MLLT3: variants seen among roughly 807,000 people sequenced by gnomAD.
MLLT3 encodes the protein MLLT3 super elongation complex subunit, also known as protein AF-9.
A neutral mutation model predicts 53.2 loss-of-function variants in MLLT3; 4 were observed. The ratio of observed to expected loss-of-function variants is 0.08; its 90% CI spans 0.04 to 0.17. MLLT3 has a LOEUF of 0.17. Among genes scored for constraint, MLLT3 ranks in the 10% least tolerant of loss-of-function variants. MLLT3 has a pLI of 1.00. For synonymous variants in MLLT3, 283 were observed against 230.6 expected (o/e 1.23, Z -2.06); for missense variants, 569 against 684.0 (o/e 0.83, Z 1.87).
intron 9 of MLLT3, among the ~76,000 whole-genome samples, chr9:20,354,298 C>A (rs1266956513): frequency 6.6e-6 from 1 of 152,178 alleles, no homozygotes; most frequent in Non-Finnish European, 1.5e-5. Flanking sequence ...TGCATGGGTG[C>A]CCCCAGCACC....
rs1011360468 is a variant in MLLT3 at position 20,346,332 on chromosome 9, T to C, written c.*111A>G. ...TTTTATTTTTTCCCTTTTGGTTGCA[T>C]CATTTTGAGTGTTTTCATATAAACA... On this transcript the variant is annotated 3_prime_UTR_variant, in exon 11 of 11. Coordinates refer to ENST00000380338, the MANE Select transcript of MLLT3 (RefSeq NM_004529.4). 1 of 1,104,198 alleles carries C rather than the reference T, an allele frequency of 9.1e-7. No individual in the cohort carries two copies. The highest frequency in any genetic ancestry group is 1.6e-5 in the African/African-American group (1 of 60,692). 68.4% of individuals were successfully genotyped at this position (1,104,198 alleles called of 1,614,324 possible).
chr9:20,430,420 C>G (rs1032247184), intron 4 of MLLT3, among the ~76,000 whole-genome samples: 1 of 152,064 alleles, frequency 6.6e-6, no homozygotes, highest in African/African-American at 2.4e-5. Context: ...CTACAGAGAT[C>G]AACAAACTGA....
chr9:20,574,624 T>A (rs1024584681), intron 2 of MLLT3, among the ~76,000 whole-genome samples: 2 of 152,236 alleles, frequency 1.3e-5, no homozygotes, highest in Non-Finnish European at 2.9e-5. Flanking sequence ...CTGGGTCTTC[T>A]GCAAGTTGTA....
intron 2 of MLLT3, chr9:20,502,359 T>G (rs1424568486): frequency 6.5e-6 from 1 of 153,544 alleles, no homozygotes; most frequent in Non-Finnish European, 1.5e-5. Flanking sequence ...GCCTGTGATG[T>G]TCCTTACATA....
At chr9:20,622,118 C>T in intron 1 of MLLT3, 127 bp downstream of exon 1, 1 of 1,132,140 alleles carries the variant, frequency 8.8e-7, no homozygotes, top group Non-Finnish European at 1.2e-6. Context: ...GCGGCAGCTC[C>T]CTGCAAGCCG....
chr9:20,457,703 A>G (rs2118863700), intron 2 of MLLT3, among the ~76,000 whole-genome samples: 1 of 152,368 alleles, frequency 6.6e-6, no homozygotes, highest in Middle Eastern at 3.4e-3. Flanking sequence ...TAATCACATC[A>G]TAAGAATACA....
At chr9:20,537,490 G>A (rs1307549646) in intron 2 of MLLT3, among the ~76,000 whole-genome samples, 1 of 152,110 alleles carries the variant, frequency 6.6e-6, no homozygotes, top group Non-Finnish European at 1.5e-5. Context: ...AAGCTCCAGT[G>A]CATGGTTTTC....
intron 2 of MLLT3, among the ~76,000 whole-genome samples, chr9:20,513,791 C>T (rs1444385807): frequency 2.6e-5 from 4 of 152,128 alleles, no homozygotes; most frequent in South Asian, 4.1e-4. Context: ...ATGACTGAGC[C>T]CTGCTTCTGT....
At chr9:20,511,636 T>A (rs1817752001) in intron 2 of MLLT3, among the ~76,000 whole-genome samples, 1 of 152,212 alleles carries the variant, frequency 6.6e-6, no homozygotes, top group Admixed American at 6.5e-5. Context: ...ACAGAGCCTA[T>A]GAATAGCCAC....
At chr9:20,564,149 G>GTGCA (rs1819288946) in intron 2 of MLLT3, among the ~76,000 whole-genome samples, 1 of 152,094 alleles carries the variant, frequency 6.6e-6, no homozygotes, top group Non-Finnish European at 1.5e-5. Flanking sequence ...TCATCCCTGA[G>GTGCA]TGCATACCCT....
At position 20,475,631 on chromosome 9, in the gene MLLT3, T is replaced by G. The variant is rs146908804; in HGVS notation, c.194-18845A>C. Among the ~76,000 whole-genome samples the G allele has an allele frequency of 3.4e-4, 52 of 152,204 alleles. 1 individual carries two copies. The East Asian group carries it at 9.3e-3, about 27-fold the overall frequency. ...TAAATATGGTATTTGGTGCATTTGT[T>G]TAAAACAAAACAAAACCTGGTTCAG... On this transcript the variant is annotated intron_variant, in intron 2 of 10. Coordinates refer to ENST00000380338, the MANE Select transcript of MLLT3 (RefSeq NM_004529.4).
intron 2 of MLLT3, among the ~76,000 whole-genome samples, chr9:20,565,927 T>TAC (rs1269927335): frequency 6.1e-5 from 1 of 16,266 alleles, no homozygotes; most frequent in South Asian, 1.9e-3. Flanking sequence ...TATATTTATA[T>TAC]ATATATATAT....
At chr9:20,462,382 C>G (rs1202587665) in intron 2 of MLLT3, among the ~76,000 whole-genome samples, 1 of 152,106 alleles carries the variant, frequency 6.6e-6, no homozygotes, top group Non-Finnish European at 1.5e-5. Context: ...TTGAGTTGTT[C>G]TCACCTTTTG....
At chr9:20,622,173 T>C in intron 1 of MLLT3, 72 bp downstream of exon 1, 1 of 1,480,960 alleles carries the variant, frequency 6.8e-7, no homozygotes, top group South Asian at 1.2e-5. Context: ...TGGCGCTGTC[T>C]GGGCTGCGGC....
intron 2 of MLLT3, among the ~76,000 whole-genome samples, chr9:20,556,435 G>A (rs547455036): frequency 2.6e-5 from 4 of 152,102 alleles, no homozygotes; most frequent in Admixed American, 6.6e-5. Flanking sequence ...CTGTAATCTC[G>A]GCACTTTGAG....
At chr9:20,565,973 TA>T (rs1819359202) in intron 2 of MLLT3, among the ~76,000 whole-genome samples, 3 of 117,338 alleles carry the variant, frequency 2.6e-5, no homozygotes, top group African/African-American at 1.1e-4. Flanking sequence ...TATATTTATA[TA>T]TATATATATT....
intron 2 of MLLT3, among the ~76,000 whole-genome samples, chr9:20,564,842 C>T (rs1336162613): frequency 2.0e-5 from 3 of 151,064 alleles, no homozygotes; most frequent in Admixed American, 6.6e-5. Context: ...AATGTGAAAA[C>T]CTCCACTTCC....
At chr9:20,397,707 G>A (rs976314690) in intron 5 of MLLT3, among the ~76,000 whole-genome samples, 1 of 152,146 alleles carries the variant, frequency 6.6e-6, no homozygotes, top group South Asian at 2.1e-4. Context: ...ACAGAAGGTT[G>A]TGATAACATC....
rs1317840194 is a variant in MLLT3 at position 20,620,172 on chromosome 9, C to A, written c.193+482G>T. On this transcript the variant is annotated intron_variant, in intron 2 of 10. Coordinates refer to ENST00000380338, the MANE Select transcript of MLLT3 (RefSeq NM_004529.4). The surrounding 1 kb of genome is among the most constrained non-coding windows in gnomAD (Gnocchi z 6.1). ...AAGCACAGAAGACCCTAAAGAGAAC[C>A]GACTTGCCAAGACCGAACAATAACT... 6.6e-6 allele frequency among the ~76,000 whole-genome samples: 1 copy of A among 151,580 alleles called. No homozygotes were observed. Among genetic ancestry groups the A allele is most frequent in the Non-Finnish European group, 1.5e-5 (1 of 67,910 alleles).
Sources: gnomAD v4.1 joint callset for allele counts (sites outside exome capture counted in the v4.1 genomes callset) on GRCh38, gnomAD v4.1.1 for gene constraint, Gnocchi (gnomAD v3.1) non-coding constraint, MANE v1.5 for transcripts, NCBI Gene and HGNC (gene_info 2026-07-23, HGNC 2026-07-21) for gene names.